Variants in PLCZ1 observed in about 807,000 individuals in gnomAD.
PLCZ1 encodes 1-phosphatidylinositol 4,5-bisphosphate phosphodiesterase zeta-1.
Under a neutral mutation model 76.8 loss-of-function variants are expected in PLCZ1, and 64 were observed. The observed-to-expected ratio is 0.83, with a 90% CI of 0.68 to 1.03. The LOEUF is 1.03. Ranked by LOEUF, PLCZ1 falls within the 50% of genes least tolerant of loss-of-function variation. PLCZ1 has a pLI of 0.00. For missense variants in PLCZ1, 751 were observed against 713.7 expected (o/e 1.05, Z -0.60); for synonymous variants, 248 against 230.8 (o/e 1.07, Z -0.68).
chr12:18,661,952 A>T, the PLCZ1 span, among the ~76,000 whole-genome samples: 12 of 152,142 alleles, frequency 7.9e-5, no homozygotes, highest in Non-Finnish European at 1.3e-4. Flanking sequence ...AAAGAACAAG[A>T]TCATATCATT....
intron 6 of PLCZ1, 107 bp from the exon 7 acceptor site, chr12:18,705,422 T>A: frequency 7.3e-7 from 1 of 1,368,690 alleles, no homozygotes; most frequent in Non-Finnish European, 1.0e-6. Flanking sequence ...TAACGTTTAG[T>A]ACCTTTGCAA....
At chr12:18,671,004 C>A in the PLCZ1 span, among the ~76,000 whole-genome samples, 1 of 151,756 alleles carries the variant, frequency 6.6e-6, no homozygotes, top group African/African-American at 2.4e-5. Flanking sequence ...ATGGTGAAAC[C>A]CTGTCTCCAC....
chr12:18,655,040 T>C, the PLCZ1 span, among the ~76,000 whole-genome samples: 120,083 of 151,792 alleles, frequency 0.79, 47,564 homozygotes, highest in Admixed American at 0.82. Context: ...CTTAAAAGTA[T>C]ACAGAAACAA....
In PLCZ1 at chr12:18,705,178, T is replaced by C. The variant is rs1398932989; in HGVS notation, c.852A>G (p.Leu284=). The change falls in exon 7 of 15, where the codon CTA becomes CTG. Residue 284 remains leucine, a synonymous_variant. Coordinates refer to ENST00000266505, the MANE Select transcript of PLCZ1 (RefSeq NM_033123.4). ...AAAAAAATGTTACCTCTGGTGATGGTAGAGTATCAGGAAAATCATCAAGCA... is the reference window on the plus strand; with the variant it reads ...AAAAAAATGTTACCTCTGGTGATGGCAGAGTATCAGGAAAATCATCAAGCA... ...SDMLDDFPDT[L]PSPEALKFKI... is the part of the protein sequence containing the mutation. 6.2e-7 allele frequency: 1 copy of C among 1,613,896 alleles called. No individual in the cohort carries two copies. Among genetic ancestry groups the C allele is most frequent in the Non-Finnish European group, 8.5e-7 (1 of 1,180,004 alleles).
At chr12:18,721,972 G>A (rs1317211843) in intron 4 of PLCZ1, among the ~76,000 whole-genome samples, 1 of 152,102 alleles carries the variant, frequency 6.6e-6, no homozygotes, top group East Asian at 1.9e-4. Context: ...ATCTCTGCCA[G>A]TCTCTCCAAA....
intron 12 of PLCZ1, among the ~76,000 whole-genome samples, chr12:18,690,026 G>A (rs147766350): frequency 1.9e-4 from 29 of 152,158 alleles, no homozygotes; most frequent in Admixed American, 9.2e-4. Context: ...GAATACAAAC[G>A]TGGCACTTGT....
At chr12:18,676,606 T>C in the PLCZ1 span, among the ~76,000 whole-genome samples, 4 of 152,158 alleles carry the variant, frequency 2.6e-5, no homozygotes, top group African/African-American at 9.6e-5. Flanking sequence ...GACTCTGTTG[T>C]AGACTACAAA....
intron 12 of PLCZ1, chr12:18,693,383 G>C: frequency 1.2e-6 from 2 of 1,604,222 alleles, no homozygotes; most frequent in Non-Finnish European, 1.7e-6. Flanking sequence ...AATCTGTGGA[G>C]CTTCCTCTCA....
At chr12:18,730,140 T>C (rs1432659405) in intron 3 of PLCZ1, among the ~76,000 whole-genome samples, 1 of 152,122 alleles carries the variant, frequency 6.6e-6, no homozygotes, top group Non-Finnish European at 1.5e-5. Context: ...ACAGCTAGGA[T>C]GTCTTACAGC....
the PLCZ1 span, among the ~76,000 whole-genome samples, chr12:18,650,758 A>G: frequency 5.0e-3 from 504 of 101,354 alleles, 15 homozygotes; most frequent in African/African-American, 0.015. Flanking sequence ...ATATATATAT[A>G]TATATATTCC....
chr12:18,726,034 T>G (rs961995602), intron 3 of PLCZ1, among the ~76,000 whole-genome samples: 1 of 152,136 alleles, frequency 6.6e-6, no homozygotes, highest in Non-Finnish European at 1.5e-5. Flanking sequence ...GTCATTTGTT[T>G]CTTGTATCCT....
the PLCZ1 span, among the ~76,000 whole-genome samples, chr12:18,671,729 T>C: frequency 2.0e-5 from 3 of 152,082 alleles, no homozygotes; most frequent in Admixed American, 1.3e-4. Flanking sequence ...AAATTTGAAT[T>C]TTTTTCCAAA....
chr12:18,665,783 A>C, the PLCZ1 span, among the ~76,000 whole-genome samples: 1 of 152,000 alleles, frequency 6.6e-6, no homozygotes. Context: ...AAAATACAAA[A>C]AATTAGCCAG....
intron 12 of PLCZ1, chr12:18,694,109 G>A: frequency 1.0e-6 from 1 of 994,564 alleles, no homozygotes; most frequent in South Asian, 1.4e-5. Context: ...GTGAACTACG[G>A]CTGCCATCAG....
chr12:18,701,900 A>T lies in PLCZ1; in HGVS notation c.865-124T>A, dbSNP rs1236188350. The T allele has an allele frequency of 4.4e-6, 6 of 1,350,262 alleles. No individual in the cohort carries two copies. In the Admixed American group the frequency reaches 1.2e-4, roughly 27 times the overall value. 83.6% of individuals were successfully genotyped at this position (1,350,262 alleles called of 1,614,324 possible). On this transcript the variant is annotated intron_variant, in intron 7 of 14. Transcript: ENST00000266505. ...CAGTAATAAGATATGTAAGAACTCC[A>T]TTTTTTCCCATACCCCTATTCACAT... is the stretch of plus-strand genomic sequence containing the variant.
chr12:18,690,190 G>A (rs1049764140), intron 12 of PLCZ1, among the ~76,000 whole-genome samples: 1 of 152,040 alleles, frequency 6.6e-6, no homozygotes, highest in Non-Finnish European at 1.5e-5. Flanking sequence ...CAAATAAGGT[G>A]GAACAAAACA....
chr12:18,714,100 T>A (rs1271652797), intron 5 of PLCZ1, among the ~76,000 whole-genome samples: 2 of 152,230 alleles, frequency 1.3e-5, no homozygotes, highest in Non-Finnish European at 2.9e-5. Context: ...TTGTATGCCA[T>A]CATGAAATAG....
At chr12:18,699,165 G>A (rs894016445) in intron 10 of PLCZ1, among the ~76,000 whole-genome samples, 1 of 152,090 alleles carries the variant, frequency 6.6e-6, no homozygotes, top group Non-Finnish European at 1.5e-5. Flanking sequence ...TGTGCAGTGG[G>A]GCATGCACAC....
chr12:18,689,155 A>G (rs1047470013), intron 12 of PLCZ1, among the ~76,000 whole-genome samples: 1 of 152,128 alleles, frequency 6.6e-6, no homozygotes, highest in Admixed American at 6.5e-5. Context: ...AGAAAGAACA[A>G]TGGCCATAAA....
Sources: gnomAD v4.1 joint callset for allele counts (sites outside exome capture counted in the v4.1 genomes callset) on GRCh38, gnomAD v4.1.1 for gene constraint, MANE v1.5 for transcripts, NCBI Gene and HGNC (gene_info 2026-07-23, HGNC 2026-07-21) for gene names.